The following TMLHE variants were observed in gnomAD, a reference collection of about 807,000 sequenced individuals.
The protein encoded by TMLHE is trimethyllysine hydroxylase, epsilon.
A neutral mutation model predicts 25.7 loss-of-function variants in TMLHE; 18 were observed. The observed-to-expected ratio is 0.70, with a 90% CI of 0.48 to 1.04. The LOEUF is 1.04. Ranked by LOEUF, TMLHE falls within the 50% of genes least tolerant of loss-of-function variation. The pLI is 0.00. For missense variants in TMLHE, 236 were observed against 259.0 expected, an observed-to-expected ratio of 0.91 and a Z score of 0.61; for synonymous variants, 105 against 97.0, an observed-to-expected ratio of 1.08 and a Z score of -0.49.
intron 1 of TMLHE, among the ~76,000 whole-genome samples, chrX:155,547,336 G>A (rs1001182064): frequency 9.3e-6 from 1 of 107,005 alleles, no homozygotes; most frequent in Admixed American, 1.0e-4. Context: ...AGTAGAGACG[G>A]GGTTTCACCG....
At chrX:155,571,413 G>A (rs1193670679) in intron 1 of TMLHE, among the ~76,000 whole-genome samples, 1 of 55,719 alleles carries the variant, frequency 1.8e-5, no homozygotes, top group African/African-American at 4.3e-5. Context: ...GTACAAGGAG[G>A]AACTGGTACT....
intron 4 of TMLHE, among the ~76,000 whole-genome samples, chrX:155,512,493 T>G (rs1278169149): frequency 9.1e-6 from 1 of 110,493 alleles, no homozygotes; most frequent in Non-Finnish European, 1.9e-5. Context: ...ACAAAGGACA[T>G]GAACTCATCA....
chrX:155,597,229 T>C (rs2067727087), intron 1 of TMLHE, among the ~76,000 whole-genome samples: 1 of 110,284 alleles, frequency 9.1e-6, no homozygotes, highest in Admixed American at 9.7e-5. Context: ...TATGGCTGCA[T>C]AGTACACATG....
intron 1 of TMLHE, among the ~76,000 whole-genome samples, chrX:155,575,806 T>A (rs994810803): frequency 2.7e-5 from 3 of 112,395 alleles, no homozygotes; most frequent in Admixed American, 1.9e-4. Flanking sequence ...ATTCAGCATC[T>A]GTTCATGTTA....
intron 3 of TMLHE, among the ~76,000 whole-genome samples, chrX:155,518,486 T>C (rs2067171626): frequency 1.0e-5 from 1 of 95,880 alleles, no homozygotes; most frequent in African/African-American, 3.7e-5. Context: ...ATTCTCTTTT[T>C]TGGTTGTGTC....
intron 2 of TMLHE, among the ~76,000 whole-genome samples, chrX:155,539,878 C>T (rs940618986): frequency 9.1e-6 from 1 of 110,019 alleles, no homozygotes; most frequent in Non-Finnish European, 1.9e-5. Flanking sequence ...AATTCTGGAA[C>T]TGAAGTATCT....
intron 1 of TMLHE, among the ~76,000 whole-genome samples, chrX:155,580,140 A>C (rs1432540726): frequency 9.0e-6 from 1 of 111,566 alleles, no homozygotes; most frequent in East Asian, 2.8e-4. Context: ...ACTCAACAAC[A>C]ACAAAGAAAA....
chrX:155,513,689 T>A (rs1220956316), intron 4 of TMLHE, among the ~76,000 whole-genome samples: 2 of 110,312 alleles, frequency 1.8e-5, no homozygotes, highest in Non-Finnish European at 3.8e-5. Flanking sequence ...ACTATCCAGT[T>A]CTCCTTACAG....
intron 1 of TMLHE, among the ~76,000 whole-genome samples, chrX:155,565,830 G>A: frequency 1.6e-5 from 1 of 62,140 alleles, no homozygotes; most frequent in South Asian, 9.4e-4. Flanking sequence ...CTTGCCCTTT[G>A]GGGGGTAGCC....
chrX:155,518,253 C>T (rs1396632736), intron 3 of TMLHE, among the ~76,000 whole-genome samples: 1 of 54,103 alleles, frequency 1.8e-5, no homozygotes, highest in Non-Finnish European at 3.5e-5. Context: ...TTGTCAAAGG[C>T]TTTTTCTGCA....
chrX:155,561,458 G>T (rs1346423754), intron 1 of TMLHE, among the ~76,000 whole-genome samples: 1 of 60,879 alleles, frequency 1.6e-5, no homozygotes, highest in Non-Finnish European at 4.6e-5. Context: ...TGAGACTTGG[G>T]TGGGGACATA....
intron 1 of TMLHE, among the ~76,000 whole-genome samples, chrX:155,586,107 A>G (rs1034566496): frequency 9.1e-6 from 1 of 109,910 alleles, no homozygotes; most frequent in Admixed American, 9.8e-5. Flanking sequence ...CATGCCTGTA[A>G]TCCCAGCTAC....
chrX:155,511,738 G>A lies in TMLHE; in HGVS notation c.693C>T (p.Asp231=). The A allele has an allele frequency of 8.3e-7, 1 of 1,200,467 alleles. No homozygotes were observed. Among genetic ancestry groups the A allele is most frequent in the Admixed American group, 2.2e-5 (1 of 45,711 alleles). Residue 231 remains aspartate, a synonymous_variant, in exon 5 of 8, where the codon GAC becomes GAT. Coordinates refer to ENST00000334398, the MANE Select transcript of TMLHE (RefSeq NM_018196.4). ...WYFTSDFSRG[D]TAYTKLALDR... is the part of the protein sequence containing the mutation. The stretch of plus-strand genomic sequence containing the variant: ...CCAGAGCTAGCTTGGTGTACGCAGT[G>A]TCACCTCTGGAGAAGTCTGAAGTGA...
rs1373296076 is a variant in TMLHE at position 155,569,836 on chromosome X, C to T, written c.-1-24559G>A. ...GCCCTAAAACAGCTCCTGAAGGAAGCACTAAACATGGAAAGGAACAACTGA... is the reference window on the plus strand; with the variant it reads ...GCCCTAAAACAGCTCCTGAAGGAAGTACTAAACATGGAAAGGAACAACTGA... On this transcript the variant is annotated intron_variant, in intron 1 of 7. Transcript: ENST00000334398. Among the ~76,000 whole-genome samples, 2 of 55,797 alleles carry T rather than the reference C, an allele frequency of 3.6e-5. 1 individual carries two copies. Among genetic ancestry groups the T allele is most frequent in the African/African-American group, 8.7e-5 (2 of 23,080 alleles). The allele number at this position is 55,797 out of a possible 115,157, so 48.5% of individuals were successfully genotyped here. A position where few individuals can be genotyped will look rare whatever the true frequency, so the allele number is the denominator to read the frequency against.
chrX:155,553,059 C>CA lies in TMLHE; in HGVS notation c.-1-7783dup, dbSNP rs782799733. ...TTTTCTAACTTAATGTCAGTGTGGC[C>CA]AAAAAATACTATAATTGTTTAAAGT... On this transcript the variant is annotated intron_variant, in intron 1 of 7. Transcript: ENST00000334398. Among the ~76,000 whole-genome samples the CA allele has an allele frequency of 9.6e-4, 106 of 109,938 alleles. 1 individual carries two copies. Among genetic ancestry groups the CA allele is most frequent in the Non-Finnish European group, 1.7e-3 (90 of 52,546 alleles).
chrX:155,538,554 C>T, intron 2 of TMLHE, among the ~76,000 whole-genome samples: 1 of 111,540 alleles, frequency 9.0e-6, no homozygotes, highest in Non-Finnish European at 1.9e-5. Context: ...CCTCAAACTG[C>T]CAACACCTCC....
intron 1 of TMLHE, among the ~76,000 whole-genome samples, chrX:155,598,416 G>A (rs2067735898): frequency 1.8e-5 from 2 of 108,485 alleles, no homozygotes; most frequent in Non-Finnish European, 3.8e-5. Context: ...CATGGATGAA[G>A]CTGGAAACTA....
chrX:155,522,069 C>A (rs1394877463), intron 3 of TMLHE, among the ~76,000 whole-genome samples: 5 of 112,232 alleles, frequency 4.5e-5, no homozygotes, highest in Non-Finnish European at 7.5e-5. Context: ...ACTTTTCTTA[C>A]AATTTAGCAA....
chrX:155,509,341 C>T (rs187715182), intron 5 of TMLHE, among the ~76,000 whole-genome samples: 1 of 111,694 alleles, frequency 9.0e-6, no homozygotes, highest in Admixed American at 9.5e-5. Flanking sequence ...AATTAAGTTA[C>T]TTGTCCAAGA....
Sources: allele counts gnomAD v4.1 joint callset (sites outside exome capture counted in the v4.1 genomes callset), GRCh38; gene constraint gnomAD v4.1.1; transcripts MANE v1.5; gene names NCBI Gene and HGNC (gene_info 2026-07-23, HGNC 2026-07-21).